Variants in RTN4 observed in about 807,000 individuals in gnomAD.
The protein encoded by RTN4 is reticulon-4.
Under a neutral mutation model 90.4 loss-of-function variants are expected in RTN4, and 32 were observed. The observed-to-expected ratio is 0.35, with a 90% confidence interval of 0.27 to 0.48. The LOEUF (loss-of-function observed/expected upper bound fraction) is 0.48, where lower values mean the gene tolerates loss of function less well. Among genes scored for constraint, RTN4 ranks in the 20% least tolerant of loss-of-function variants. RTN4 has a pLI of 0.99. For synonymous variants in RTN4, 629 were observed against 552.5 expected, an observed-to-expected ratio of 1.14 and a Z score of -1.94; for missense variants, 1,706 against 1,430.2, an observed-to-expected ratio of 1.19 and a Z score of -3.11.
chr2:55,097,881 TC>T (rs1449909397), intron 1 of RTN4, among the ~76,000 whole-genome samples: 1 of 151,832 alleles, frequency 6.6e-6, no homozygotes, highest in Non-Finnish European at 1.5e-5. Flanking sequence ...AAAGTGAAAT[TC>T]CCCCAGGAAG....
intron 1 of RTN4, among the ~76,000 whole-genome samples, chr2:55,045,547 T>TTG (rs1250297884): frequency 2.0e-5 from 3 of 152,202 alleles, no homozygotes; most frequent in African/African-American, 7.2e-5. Flanking sequence ...CTAATACTGC[T>TTG]TTCACGGTGC....
At chr2:55,076,346 CT>C (rs1668598638) in intron 2 of RTN4, among the ~76,000 whole-genome samples, 1 of 148,258 alleles carries the variant, frequency 6.7e-6, no homozygotes, top group South Asian at 2.1e-4. Flanking sequence ...AACATCACTA[CT>C]TGATATGGTT....
At chr2:54,984,714 G>A (rs1678410291) in intron 4 of RTN4, among the ~76,000 whole-genome samples, 1 of 152,192 alleles carries the variant, frequency 6.6e-6, no homozygotes, top group Non-Finnish European at 1.5e-5. Flanking sequence ...ACCTCTACTA[G>A]TATGATTAAG....
At chr2:55,046,553 CT>C (rs775254197) in intron 1 of RTN4, among the ~76,000 whole-genome samples, 2 of 152,332 alleles carry the variant, frequency 1.3e-5, no homozygotes, top group Non-Finnish European at 2.9e-5. Context: ...CCATCATTCT[CT>C]ATGCCATTAT....
At chr2:55,084,998 C>T (rs559482673) in intron 1 of RTN4, among the ~76,000 whole-genome samples, 249 of 152,214 alleles carry the variant, frequency 1.6e-3, no homozygotes, top group Non-Finnish European at 3.2e-3. Context: ...ACTATGTTGC[C>T]CAGGCTGGTC....
At chr2:55,041,201 A>G (rs1350743210) in intron 1 of RTN4, among the ~76,000 whole-genome samples, 3 of 152,082 alleles carry the variant, frequency 2.0e-5, no homozygotes, top group Non-Finnish European at 4.4e-5. Flanking sequence ...GGAGGCTAGA[A>G]TATTTATTTT....
At chr2:55,064,153 G>A (rs750829151) in intron 2 of RTN4, among the ~76,000 whole-genome samples, 2 of 150,370 alleles carry the variant, frequency 1.3e-5, no homozygotes, top group Non-Finnish European at 3.0e-5. Flanking sequence ...ACTCAGGAGT[G>A]GCACCATGAT....
chr2:55,107,441 G>A lies in RTN4; in HGVS notation c.-214+5079C>T, dbSNP rs374752521. Among the ~76,000 whole-genome samples, 12 of 150,290 alleles carry A rather than the reference G, an allele frequency of 8.0e-5. No individual in the cohort carries two copies. In the East Asian group the frequency reaches 2.3e-3, roughly 29 times the overall value. On this transcript the variant is annotated intron_variant, in intron 1 of 3. Transcript: ENST00000427710. ...AAAAAAAAGGAAAGAAAGAAAGGGT[G>A]AGTGATGGCTACTCTAGGCCCTACT...
chr2:55,007,934 C>G (rs1331456844), intron 3 of RTN4, among the ~76,000 whole-genome samples: 1 of 152,050 alleles, frequency 6.6e-6, no homozygotes, highest in Non-Finnish European at 1.5e-5. Context: ...CTAGGCCTAC[C>G]CATTCCTTCC....
chr2:55,018,144 C>A (rs983896641), intron 3 of RTN4, among the ~76,000 whole-genome samples: 1 of 152,180 alleles, frequency 6.6e-6, no homozygotes, highest in Non-Finnish European at 1.5e-5. Flanking sequence ...ATTTTATCAT[C>A]TATAAAATGG....
chr2:55,019,543 T>C (rs1192845438), intron 3 of RTN4, among the ~76,000 whole-genome samples: 4 of 152,020 alleles, frequency 2.6e-5, no homozygotes, highest in South Asian at 4.1e-4. Flanking sequence ...GAGGGACACA[T>C]CATCATCTAT....
chr2:55,065,325 T>C (rs1029375791), intron 2 of RTN4, among the ~76,000 whole-genome samples: 3 of 152,238 alleles, frequency 2.0e-5, no homozygotes, highest in Admixed American at 2.0e-4. Context: ...ATCTGCCTTC[T>C]ACTGCTATTT....
intron 1 of RTN4, among the ~76,000 whole-genome samples, chr2:55,031,179 T>C (rs1573431724): frequency 6.6e-6 from 1 of 152,318 alleles, no homozygotes; most frequent in East Asian, 1.9e-4. Context: ...TCTTCCAATA[T>C]AAGCAACTAA....
In RTN4 at chr2:55,091,092, C is replaced by T. The variant is rs552785340; in HGVS notation, c.-213-10453G>A. ...AGCAAAAACCTCCCTAACCAGTTGC[C>T]CTGTCTTTCCTCTGGCCACCAGTGG... On this transcript the variant is annotated intron_variant, in intron 1 of 3. Coordinates refer to the RTN4 transcript ENST00000427710. Among the ~76,000 whole-genome samples the T allele has an allele frequency of 4.3e-4, 66 of 152,332 alleles. No homozygotes were observed. In the South Asian group the frequency reaches 0.013, roughly 31 times the overall value.
upstream of RTN4, among the ~76,000 whole-genome samples, chr2:55,055,191 A>T (rs1668166997): frequency 6.6e-6 from 1 of 151,920 alleles, no homozygotes; most frequent in South Asian, 2.1e-4. Context: ...ATTTTGATCT[A>T]GCAAAAAAAT....
intron 1 of RTN4, chr2:55,049,147 G>A: frequency 6.1e-6 from 6 of 986,040 alleles, no homozygotes; most frequent in South Asian, 4.7e-5. Context: ...ACTGCGGTTG[G>A]GTCAATGTGG....
intron 2 of RTN4, among the ~76,000 whole-genome samples, chr2:55,066,765 G>C (rs1448110766): frequency 2.0e-5 from 3 of 151,894 alleles, no homozygotes; most frequent in African/African-American, 7.3e-5. Context: ...AATCTTTTCT[G>C]CGTTTGTAAA....
intron 2 of RTN4, among the ~76,000 whole-genome samples, chr2:55,076,039 C>T (rs1301694524): frequency 6.6e-6 from 1 of 152,068 alleles, no homozygotes; most frequent in Non-Finnish European, 1.5e-5. Flanking sequence ...ACTTCATGAC[C>T]AAGAACCCAA....
intron 1 of RTN4, among the ~76,000 whole-genome samples, chr2:55,042,528 C>G (rs1409527860): frequency 6.6e-6 from 1 of 152,108 alleles, no homozygotes; most frequent in African/African-American, 2.4e-5. Flanking sequence ...TAAACAGATA[C>G]TCAAGAAACT....
Sources: allele counts gnomAD v4.1 joint callset (sites outside exome capture counted in the v4.1 genomes callset), GRCh38; gene constraint gnomAD v4.1.1; transcripts MANE v1.5; gene names NCBI Gene and HGNC (gene_info 2026-07-23, HGNC 2026-07-21).